The following RBFOX1 variants were observed in gnomAD, a reference collection of about 807,000 sequenced individuals.
RBFOX1 encodes the protein RNA binding protein fox-1 homolog 1.
Under a neutral mutation model 57.7 loss-of-function variants are expected in RBFOX1, and 8 were observed. The ratio of observed to expected loss-of-function variants is 0.14; its 90% CI spans 0.08 to 0.25. RBFOX1 has a LOEUF of 0.25. RBFOX1 is among the 10% of genes least tolerant of loss of function. RBFOX1 has a pLI of 1.00. For synonymous variants in RBFOX1, 326 were observed against 222.4 expected, an observed-to-expected ratio of 1.47 and a Z score of -4.15; for missense variants, 611 against 548.5, an observed-to-expected ratio of 1.11 and a Z score of -1.14.
At chr16:7,192,602 A>G (rs919218720) in intron 4 of RBFOX1, among the ~76,000 whole-genome samples, 1 of 152,312 alleles carries the variant, frequency 6.6e-6, no homozygotes, top group Middle Eastern at 3.4e-3. Context: ...ACACACGAAA[A>G]GGGGGCCAAA....
intron 3 of RBFOX1, among the ~76,000 whole-genome samples, chr16:5,693,138 C>A (rs944286296): frequency 6.6e-6 from 1 of 152,102 alleles, no homozygotes; most frequent in African/African-American, 2.4e-5. Context: ...CTGGTGTGAA[C>A]TGTGAAGCAC....
intron 3 of RBFOX1, among the ~76,000 whole-genome samples, chr16:6,898,111 C>A (rs778714338): frequency 1.2e-4 from 18 of 152,200 alleles, no homozygotes; most frequent in Non-Finnish European, 2.5e-4. Flanking sequence ...GTAAATTCCA[C>A]ACCATATTCA....
At chr16:7,290,022 G>C (rs1400204718) in intron 4 of RBFOX1, among the ~76,000 whole-genome samples, 1 of 152,146 alleles carries the variant, frequency 6.6e-6, no homozygotes, top group Non-Finnish European at 1.5e-5. Context: ...TCATAGGAGA[G>C]TAAACCTATA....
intron 5 of RBFOX1, among the ~76,000 whole-genome samples, chr16:7,534,319 C>T (rs914473323): frequency 1.3e-5 from 2 of 151,888 alleles, no homozygotes; most frequent in African/African-American, 4.8e-5. Context: ...TCTCGAACTC[C>T]TGGCCTCAGG....
At chr16:5,876,195 T>TG (rs1218694084) in intron 4 of RBFOX1, among the ~76,000 whole-genome samples, 1 of 151,968 alleles carries the variant, frequency 6.6e-6, no homozygotes, top group Non-Finnish European at 1.5e-5. Context: ...AACAACCAAA[T>TG]GGGGGGAAAA....
chr16:6,057,582 A>T (rs1005875945), intron 1 of RBFOX1, among the ~76,000 whole-genome samples: 1 of 152,150 alleles, frequency 6.6e-6, no homozygotes, highest in Admixed American at 6.5e-5. Context: ...AAAAAGAAAA[A>T]AAAAGACCAA....
chr16:6,518,484 A>G (rs1176719706), intron 2 of RBFOX1, among the ~76,000 whole-genome samples: 1 of 152,096 alleles, frequency 6.6e-6, no homozygotes, highest in African/African-American at 2.4e-5. Flanking sequence ...GGGCACACTG[A>G]GAGTCAGTTA....
intron 10 of RBFOX1, among the ~76,000 whole-genome samples, chr16:7,618,579 T>A (rs1017370018): frequency 6.6e-6 from 1 of 152,208 alleles, no homozygotes. Flanking sequence ...ATAAACTCTT[T>A]AGTTTGAAAG....
intron 3 of RBFOX1, among the ~76,000 whole-genome samples, chr16:5,633,658 G>A (rs773171784): frequency 2.1e-4 from 32 of 152,080 alleles, no homozygotes; most frequent in Admixed American, 5.9e-4. Context: ...TGGCTCACCT[G>A]AGGTGGGGAG....
intron 3 of RBFOX1, among the ~76,000 whole-genome samples, chr16:6,761,355 C>A (rs1045885207): frequency 6.6e-6 from 1 of 152,042 alleles, no homozygotes; most frequent in Non-Finnish European, 1.5e-5. Context: ...AGAAAATATT[C>A]TATACCAGAC....
At chr16:6,819,652 C>T (rs1483326678) in intron 3 of RBFOX1, among the ~76,000 whole-genome samples, 3 of 130,204 alleles carry the variant, frequency 2.3e-5, no homozygotes, top group African/African-American at 9.0e-5. Flanking sequence ...TTGCAGTGAG[C>T]CAGGATCAAG....
chr16:6,168,883 C>G (rs9930197), intron 1 of RBFOX1, among the ~76,000 whole-genome samples: 2 of 151,212 alleles, frequency 1.3e-5, no homozygotes, highest in African/African-American at 4.9e-5. Flanking sequence ...TGATGTTTTT[C>G]GTCCAGGGAA....
chr16:5,346,002 G>C (rs542903277), intron 1 of RBFOX1, among the ~76,000 whole-genome samples: 17 of 152,194 alleles, frequency 1.1e-4, no homozygotes, highest in Admixed American at 5.9e-4. Context: ...AACATGGTGT[G>C]GGGGATTGTC....
chr16:5,749,476 C>G (rs1034088969), intron 3 of RBFOX1, among the ~76,000 whole-genome samples: 8 of 152,200 alleles, frequency 5.3e-5, no homozygotes, highest in Non-Finnish European at 1.0e-4. Flanking sequence ...AACTTGGTGC[C>G]ATTCTCCCTG....
chr16:7,063,498 A>G (rs2055127672), intron 4 of RBFOX1, among the ~76,000 whole-genome samples: 1 of 152,162 alleles, frequency 6.6e-6, no homozygotes. Context: ...CCCCAGACCT[A>G]CTGGATCAGA....
chr16:5,466,800 T>A lies in RBFOX1; in HGVS notation c.220-416T>A, dbSNP rs186820559. ...CCCAGGGAGTGTGACCTGCCATCCC[T>A]CCATATGGAAGTCTCCTTCTTGTCA... On this transcript the variant is annotated intron_variant, in intron 1 of 2. Coordinates refer to the RBFOX1 transcript ENST00000585867. Among the ~76,000 whole-genome samples, 301 of 152,204 alleles carry A rather than the reference T, an allele frequency of 2.0e-3. 6 individuals carry two copies. Among genetic ancestry groups the A allele is most frequent in the Non-Finnish European group, 5.0e-4 (34 of 68,002 alleles).
intron 2 of RBFOX1, among the ~76,000 whole-genome samples, chr16:6,376,345 C>A (rs548893324): frequency 6.6e-6 from 1 of 152,182 alleles, no homozygotes; most frequent in South Asian, 2.1e-4. Flanking sequence ...CAAAGTATCA[C>A]AAACTAGGTG....
intron 3 of RBFOX1, among the ~76,000 whole-genome samples, chr16:6,754,316 C>A (rs1260745142): frequency 6.6e-6 from 1 of 152,186 alleles, no homozygotes; most frequent in East Asian, 1.9e-4. Context: ...ATCCAAATTG[C>A]ATAAATGGTG....
chr16:6,089,713 C>G (rs903870290), intron 1 of RBFOX1, among the ~76,000 whole-genome samples: 5 of 152,214 alleles, frequency 3.3e-5, no homozygotes, highest in African/African-American at 7.2e-5. Flanking sequence ...TGTAGAAGCA[C>G]AAACGGGTAA....
Sources: allele counts gnomAD v4.1 joint callset (sites outside exome capture counted in the v4.1 genomes callset), GRCh38; gene constraint gnomAD v4.1.1; transcripts MANE v1.5; gene names NCBI Gene and HGNC (gene_info 2026-07-23, HGNC 2026-07-21).